AGBL1: variants seen among roughly 807,000 people sequenced by gnomAD.
AGBL1 encodes the protein cytosolic carboxypeptidase 4.
Under a neutral mutation model 118.9 loss-of-function variants are expected in AGBL1, and 130 were observed. The observed-to-expected ratio is 1.09, with a 90% CI of 0.95 to 1.26. The LOEUF is 1.26. AGBL1 is among the 50% of genes most tolerant of loss of function. The pLI, the probability that AGBL1 is intolerant of heterozygous loss-of-function variation, is 0.00. For synonymous variants in AGBL1, 555 were observed against 478.9 expected, an observed-to-expected ratio of 1.16 and a Z score of -2.08; for missense variants, 1,584 against 1,298.1, an observed-to-expected ratio of 1.22 and a Z score of -3.38.
At chr15:86,426,991 C>T (rs2081875421) in intron 18 of AGBL1, among the ~76,000 whole-genome samples, 1 of 152,236 alleles carries the variant, frequency 6.6e-6, no homozygotes, top group African/African-American at 2.4e-5. Context: ...GTCTTGAACT[C>T]CTGACCTCAG....
At chr15:86,919,760 G>A (rs139017940), downstream of AGBL1, among the ~76,000 whole-genome samples, 55 of 152,322 alleles carry the variant, frequency 3.6e-4, no homozygotes, top group African/African-American at 1.2e-3. Context: ...CTCTCACGAT[G>A]TTTTATAATT....
chr15:86,647,482 C>A (rs951813954), intron 21 of AGBL1, among the ~76,000 whole-genome samples: 1 of 152,178 alleles, frequency 6.6e-6, no homozygotes, highest in African/African-American at 2.4e-5. Flanking sequence ...GGGTAGATCA[C>A]CTGAGGTCAG....
intron 21 of AGBL1, among the ~76,000 whole-genome samples, chr15:86,610,196 A>C (rs1004474883): frequency 6.6e-6 from 1 of 152,212 alleles, no homozygotes; most frequent in Non-Finnish European, 1.5e-5. Context: ...GTCTCTTTTG[A>C]CATGACAGCA....
intron 23 of AGBL1, among the ~76,000 whole-genome samples, chr15:86,972,311 A>G (rs2081116408): frequency 6.6e-6 from 1 of 152,010 alleles, no homozygotes; most frequent in African/African-American, 2.4e-5. Flanking sequence ...TTCCTGAAAT[A>G]GGCCTTGCTA....
intron 18 of AGBL1, among the ~76,000 whole-genome samples, chr15:86,461,001 G>A (rs1260139996): frequency 6.6e-6 from 1 of 152,200 alleles, no homozygotes; most frequent in African/African-American, 2.4e-5. Flanking sequence ...GAAGTTCAAA[G>A]AATGATATGA....
At chr15:86,797,647 GAC>G (rs897404352) in intron 22 of AGBL1, among the ~76,000 whole-genome samples, 2 of 152,152 alleles carry the variant, frequency 1.3e-5, no homozygotes, top group Admixed American at 6.5e-5. Flanking sequence ...ATGGAAGAAT[GAC>G]AGAGTGTCTG....
chr15:86,789,925 G>A (rs1287045396), intron 22 of AGBL1, among the ~76,000 whole-genome samples: 1 of 152,104 alleles, frequency 6.6e-6, no homozygotes, highest in Non-Finnish European at 1.5e-5. Flanking sequence ...TAGTCACCAG[G>A]AGACTAGGAA....
intron 1 of AGBL1, among the ~76,000 whole-genome samples, chr15:86,116,937 CTTTCT>C (rs1303480722): frequency 6.7e-6 from 1 of 149,732 alleles, no homozygotes; most frequent in African/African-American, 2.5e-5. Context: ...TCAGAAACAC[CTTTCT>C]TTTCTTTTCT....
chr15:86,681,643 A>G (rs897161458), intron 22 of AGBL1, among the ~76,000 whole-genome samples: 3 of 152,190 alleles, frequency 2.0e-5, no homozygotes, highest in Non-Finnish European at 2.9e-5. Context: ...GAGCTCTATC[A>G]TGACTTACAA....
Position 86,267,006 on chromosome 15 carries a change from G to T in AGBL1, c.1768G>T (p.Ala590Ser). The change falls in exon 13 of 23, where the codon GCT becomes TCT. Residue 590 changes from alanine (A) to serine (S), a missense_variant. Transcript: ENST00000614907. Reference protein sequence around the residue: ...LDEPWPLQDNASNCLRFFSKF... With the variant: ...LDEPWPLQDNSSNCLRFFSKF... ...TCATTGTAGGCCTTTGCAAGACAAT[G>T]CTTCCAATTGTTTACGGTTCTTCTC... The T allele has an allele frequency of 6.4e-7, 1 of 1,569,996 alleles. No individual in the cohort carries two copies. The highest frequency in any genetic ancestry group is 1.2e-5 in the South Asian group (1 of 85,200).
At chr15:86,130,083 C>A (rs896759779) in intron 1 of AGBL1, among the ~76,000 whole-genome samples, 3 of 152,088 alleles carry the variant, frequency 2.0e-5, no homozygotes, top group African/African-American at 7.2e-5. Context: ...GGGGAAAGGG[C>A]AGGGATCTTG....
At position 87,005,266 on chromosome 15, in the gene AGBL1, A is replaced by G. The variant is rs188217857; in HGVS notation, c.3323+17178A>G. 2.3e-3 allele frequency among the ~76,000 whole-genome samples: 351 copies of G among 152,282 alleles called. 1 individual carries two copies. Among genetic ancestry groups the G allele is most frequent in the African/African-American group, 8.2e-3 (340 of 41,554 alleles). Reference sequence around the variant, plus strand: ...TGCTAGATTGGGGAAGTTCTCCTGGATAATATCCTGCAGAGTGTTTTCCAA... The same window carrying G: ...TGCTAGATTGGGGAAGTTCTCCTGGGTAATATCCTGCAGAGTGTTTTCCAA... On this transcript the variant is annotated intron_variant, in intron 24 of 24. Coordinates refer to the AGBL1 transcript ENST00000441037.
At chr15:86,833,605 T>C (rs1244915513) in intron 22 of AGBL1, among the ~76,000 whole-genome samples, 8 of 152,154 alleles carry the variant, frequency 5.3e-5, no homozygotes, top group Non-Finnish European at 1.0e-4. Flanking sequence ...CAGGTATGTC[T>C]TTATCAGCAA....
intron 21 of AGBL1, among the ~76,000 whole-genome samples, chr15:86,652,406 C>G (rs149954071): frequency 1.3e-5 from 2 of 152,096 alleles, no homozygotes; most frequent in African/African-American, 4.8e-5. Context: ...CTTTAATGTT[C>G]GAGGCCAGAA....
intron 22 of AGBL1, among the ~76,000 whole-genome samples, chr15:86,821,420 T>C (rs1343103033): frequency 6.6e-6 from 1 of 152,204 alleles, no homozygotes; most frequent in African/African-American, 2.4e-5. Context: ...AATACATTTA[T>C]TCGATATGAA....
rs528884933 is a variant in AGBL1, at chr15:86,900,426, A to G, written c.3159-6661A>G. 7.9e-5 allele frequency among the ~76,000 whole-genome samples: 12 copies of G among 152,308 alleles called. No homozygotes were observed. The East Asian group carries it at 2.1e-3, about 27-fold the overall frequency. On this transcript the variant is annotated intron_variant, in intron 22 of 22. Coordinates refer to ENST00000614907, the MANE Select transcript of AGBL1 (RefSeq NM_001386094.1). ...CTTATCAGAATGCTTAGTAATTTTC[A>G]GAAAACTCCTCAGCCTGCTTGACAA...
intron 22 of AGBL1, among the ~76,000 whole-genome samples, chr15:86,758,966 CAAAAAAAAA>C (rs80297816): frequency 1.2e-4 from 10 of 80,908 alleles, no homozygotes; most frequent in Non-Finnish European, 1.8e-4. Flanking sequence ...GACACCCTGT[CAAAAAAAAA>C]AAAAAAAAAG....
chr15:86,640,012 C>A (rs1306876462), intron 21 of AGBL1, among the ~76,000 whole-genome samples: 2 of 152,088 alleles, frequency 1.3e-5, no homozygotes, highest in Non-Finnish European at 2.9e-5. Context: ...TTCCAGTGGA[C>A]TGGTGTGATT....
chr15:86,860,261 G>C (rs987236449), intron 22 of AGBL1, among the ~76,000 whole-genome samples: 3 of 152,066 alleles, frequency 2.0e-5, no homozygotes, highest in African/African-American at 7.2e-5. Context: ...ATGGCTCTGA[G>C]TTTAGTGCCC....
Sources: allele counts gnomAD v4.1 joint callset (sites outside exome capture counted in the v4.1 genomes callset), GRCh38; gene constraint gnomAD v4.1.1; transcripts MANE v1.5; gene names NCBI Gene and HGNC (gene_info 2026-07-23, HGNC 2026-07-21).